Variants in FOSB observed in about 807,000 individuals in gnomAD.
FOSB encodes FosB proto-oncogene, AP-1 transcription factor subunit, also known as protein FosB.
Under a neutral mutation model 31.1 loss-of-function variants are expected in FOSB, and 8 were observed. The observed-to-expected ratio is 0.26, with a 90% CI of 0.15 to 0.46. The LOEUF (loss-of-function observed/expected upper bound fraction) is 0.46, where lower values mean the gene tolerates loss of function less well. Among genes scored for constraint, FOSB ranks in the 20% least tolerant of loss-of-function variants. The pLI is 0.99. For missense variants in FOSB, 376 were observed against 460.6 expected (o/e 0.82, Z 1.68); for synonymous variants, 214 against 206.1 (o/e 1.04, Z -0.33).
intron 3 of FOSB, 84 bp downstream of exon 3, chr19:45,471,385 A>G (rs569194300): frequency 2.0e-6 from 2 of 1,016,374 alleles, no homozygotes; most frequent in South Asian, 2.8e-5. Context: ...CTGTACCCTT[A>G]TCCTGGGTTG....
At chr19:45,469,193 C>T (rs950638221) in intron 1 of FOSB, among the ~76,000 whole-genome samples, 6 of 152,258 alleles carry the variant, frequency 3.9e-5, no homozygotes, top group African/African-American at 1.4e-4. Context: ...CCCTCAGCCG[C>T]GCTGCCTCCG....
rs1396957964 is a variant in FOSB at position 45,473,844 on chromosome 19, G to C, written c.*832G>C. On this transcript the variant is annotated 3_prime_UTR_variant, in exon 4 of 4. Transcript: ENST00000353609. ...CTGGCCTTCCTCGTTGGGCCGCTCT[G>C]ATTTCAGGCAGCAGGGGCTGCTGTG... is the stretch of plus-strand genomic sequence containing the variant. 1 of 152,760 alleles carries C rather than the reference G, an allele frequency of 6.5e-6. No homozygotes were observed. Among genetic ancestry groups the C allele is most frequent in the Non-Finnish European group, 1.5e-5 (1 of 68,220 alleles). The allele number at this position is 152,760 out of a possible 1,614,324, so 9.5% of individuals were successfully genotyped here. A position where few individuals can be genotyped will look rare whatever the true frequency, so the allele number is the denominator to read the frequency against.
chr19:45,471,325 AGAGGGGAT>A (rs777606622), intron 3 of FOSB, 24 bp downstream of exon 3: 1 of 1,507,988 alleles, frequency 6.6e-7, no homozygotes, highest in South Asian at 1.2e-5. Context: ...CTGGGGTGGG[AGAGGGGAT>A]GTTGAGGGGA....
Position 45,474,897 on chromosome 19 carries a change from T to C in FOSB, c.*1885T>C, listed in dbSNP as rs781419199. On this transcript the variant is annotated 3_prime_UTR_variant, in exon 4 of 4. Coordinates refer to ENST00000353609, the MANE Select transcript of FOSB (RefSeq NM_006732.3). ...CAGCTGTCGTCTGACTCTGGGTTCG[T>C]TGGGGACATGAGATTTTATTTTTTG... is the stretch of plus-strand genomic sequence containing the variant. 8.5e-5 allele frequency: 13 copies of C among 152,168 alleles called. No individual in the cohort carries two copies. Among genetic ancestry groups the C allele is most frequent in the African/African-American group, 9.7e-5 (4 of 41,440 alleles). The allele number at this position is 152,168 out of a possible 1,614,324, so 9.4% of individuals were successfully genotyped here. A position where few individuals can be genotyped will look rare whatever the true frequency, so the allele number is the denominator to read the frequency against.
chr19:45,469,213 C>A (rs1174136502), intron 1 of FOSB, among the ~76,000 whole-genome samples: 3 of 152,252 alleles, frequency 2.0e-5, no homozygotes, highest in Non-Finnish European at 4.4e-5. Flanking sequence ...GCCTCCTGCG[C>A]GGAGACGTAA....
At chr19:45,469,120 T>C (rs991279767) in intron 1 of FOSB, among the ~76,000 whole-genome samples, 2 of 152,210 alleles carry the variant, frequency 1.3e-5, no homozygotes, top group African/African-American at 2.4e-5. Flanking sequence ...CCTTTCCTCC[T>C]CCTTCGGAGC....
Position 45,468,818 on chromosome 19 carries a change from A to C in FOSB, c.126+106A>C. On this transcript the variant is annotated intron_variant, in intron 1 of 3. Transcript: ENST00000353609. The surrounding 1 kb of genome is among the most constrained non-coding windows in gnomAD (Gnocchi z 4.8). ...ACAAAAAGGCGCATCAGAACCCTAG[A>C]TCTGAGATGGAAAAGGCTCACAGCG... 4 of 1,215,554 alleles carry C rather than the reference A, an allele frequency of 3.3e-6. No individual in the cohort carries two copies. The South Asian group carries it at 6.5e-5, about 20-fold the overall frequency. The allele number at this position is 1,215,554 out of a possible 1,614,324, so 75.3% of individuals were successfully genotyped here.
chr19:45,469,359 G>A (rs964577825), intron 1 of FOSB, among the ~76,000 whole-genome samples: 1 of 152,192 alleles, frequency 6.6e-6, no homozygotes, highest in Non-Finnish European at 1.5e-5. Context: ...CCGGGGCCAC[G>A]TTGCTAAGGG....
At position 45,470,773 on chromosome 19, in the gene FOSB, C is replaced by A; in HGVS notation, c.271C>A (p.Pro91Thr). ...CCAGGGGCAGCCACTGGCCTCCCAG[C>A]CCCCGGTCGTCGACCCCTACGACAT... The part of the protein sequence containing the change: ...QSQGQPLASQ[P>T]PVVDPYDMPG... The change falls in exon 2 of 4, where the codon CCC becomes ACC. Residue 91 changes from proline (P) to threonine (T), a missense_variant. Pro to Thr is a conservative substitution (Grantham distance 38). Around this residue, in one of 3 missense-constraint regions of FOSB, gnomAD observed 193 missense variants for 207.1 expected, o/e 0.93. Transcript: ENST00000353609. 1 of 1,613,788 alleles carries A rather than the reference C, an allele frequency of 6.2e-7. No individual in the cohort carries two copies. Among genetic ancestry groups the A allele is most frequent in the African/African-American group, 1.3e-5 (1 of 75,026 alleles).
At chr19:45,470,354 G>A (rs532954805) in intron 1 of FOSB, 106 of 465,412 alleles carry the variant, frequency 2.3e-4, no homozygotes, top group African/African-American at 1.9e-3. Flanking sequence ...TCACCAACCC[G>A]GGGTGTGATT....
Position 45,470,872 on chromosome 19 carries a change from T to C in FOSB, c.370T>C (p.Ser124Pro), listed in dbSNP as rs773764980. 1 of 1,613,880 alleles carries C rather than the reference T, an allele frequency of 6.2e-7. No individual in the cohort carries two copies. Among genetic ancestry groups the C allele is most frequent in the Non-Finnish European group, 8.5e-7 (1 of 1,179,998 alleles). ...SGGASGSGGP[S>P]TSGTTSGPGP... ...CGGAGCGAGTGGCAGTGGTGGGCCT[T>C]CCACCAGCGGAACTACCAGTGGGCC... The change falls in exon 2 of 4, where the codon TCC becomes CCC. Residue 124 changes from serine to proline, a missense_variant. Transcript: ENST00000353609.
rs758600513 is a variant in FOSB, at chr19:45,470,634, C to A, written c.132C>A (p.Cys44Ter). The change falls in exon 2 of 4, where the codon TGC becomes TGA. Residue 44 changes from cysteine to a stop codon, truncating the protein, a stop_gained. Coordinates refer to ENST00000353609, the MANE Select transcript of FOSB (RefSeq NM_006732.3). LOFTEE classifies it high-confidence loss of function. ...GTGTATGTGTCACCCCGTAGGAGTG[C>A]GCCGGTCTCGGGGAAATGCCCGGTT... Reference protein sequence around the residue: ...SPPTAAASQECAGLGEMPGSF... With the variant: ...SPPTAAASQE 3.1e-6 allele frequency: 5 copies of A among 1,605,252 alleles called. No homozygotes were observed. The highest frequency in any genetic ancestry group is 3.4e-6 in the Non-Finnish European group (4 of 1,176,024).
rs201050620 is a variant in FOSB at position 45,472,655 on chromosome 19, G to A, written c.660G>A (p.Pro220=). Residue 220 remains proline, a synonymous_variant, in exon 4 of 4, where the codon CCG becomes CCA. Coordinates refer to ENST00000353609, the MANE Select transcript of FOSB (RefSeq NM_006732.3). This position sits in a 1 kb window ranked among gnomAD's most constrained non-coding sequence, Gnocchi z 5.4. ...RLEFVLVAHK[P]GCKIPYEEGP... ...AGTTTGTGCTGGTGGCCCACAAACCGGGCTGCAAGATCCCCTACGAAGAGG... is the reference window on the plus strand; with the variant it reads ...AGTTTGTGCTGGTGGCCCACAAACCAGGCTGCAAGATCCCCTACGAAGAGG... 22 of 1,593,366 alleles carry A rather than the reference G, an allele frequency of 1.4e-5. No homozygotes were observed. The highest frequency in any genetic ancestry group is 1.6e-5 in the Non-Finnish European group (19 of 1,171,612).
At position 45,470,963 on chromosome 19, in the gene FOSB, A is replaced by C. The variant is rs542156920; in HGVS notation, c.447+14A>C. Reference sequence around the variant, plus strand: ...CGAGAGGAGACGGTGAGTAAGGGACATCAGAACTTGGCCTGGGTAGGGGGA... The same window carrying C: ...CGAGAGGAGACGGTGAGTAAGGGACCTCAGAACTTGGCCTGGGTAGGGGGA... On this transcript the variant is annotated intron_variant, in intron 2 of 3. Coordinates refer to ENST00000353609, the MANE Select transcript of FOSB (RefSeq NM_006732.3). 3.1e-6 allele frequency: 5 copies of C among 1,608,980 alleles called. No homozygotes were observed. The African/African-American group carries it at 5.3e-5, about 17-fold the overall frequency.
In FOSB at chr19:45,472,193, A is replaced by G. The variant is rs913659171; in HGVS notation, c.556-358A>G. The G allele has an allele frequency of 2.8e-5, 5 of 177,766 alleles. No individual in the cohort carries two copies. In the Admixed American group the frequency reaches 3.1e-4, roughly 11 times the overall value. 11.0% of individuals were successfully genotyped at this position (177,766 alleles called of 1,614,324 possible). Reference sequence around the variant, plus strand: ...GGCTGCAGTGAGCCATGATTGCACTATTGCACTCCAGCCTGGGGGACAGAG... The same window carrying G: ...GGCTGCAGTGAGCCATGATTGCACTGTTGCACTCCAGCCTGGGGGACAGAG... On this transcript the variant is annotated intron_variant, in intron 3 of 3. Transcript: ENST00000353609. This position sits in a 1 kb window ranked among gnomAD's most constrained non-coding sequence, Gnocchi z 5.4.
Position 45,472,951 on chromosome 19 carries a change from G to T in FOSB, c.956G>T (p.Arg319Leu). The change falls in exon 4 of 4, where the codon CGC becomes CTC. Residue 319 changes from arginine to leucine, a missense_variant. Transcript: ENST00000353609. The surrounding 1 kb of genome is among the most constrained non-coding windows in gnomAD (Gnocchi z 5.4). ...PEVSAFAGAQ[R>L]TSGSDQPSDP... The stretch of plus-strand genomic sequence containing the variant: ...GTCTCCGCGTTCGCCGGCGCCCAAC[G>T]CACCAGCGGCAGTGACCAGCCTTCC... 6.2e-7 allele frequency: 1 copy of T among 1,613,326 alleles called. No homozygotes were observed. Among genetic ancestry groups the T allele is most frequent in the African/African-American group, 1.3e-5 (1 of 75,032 alleles).
chr19:45,471,477 GACTTAAGTCA>G, intron 3 of FOSB, 176 bp downstream of exon 3: 1 of 505,726 alleles, frequency 2.0e-6, no homozygotes, highest in Non-Finnish European at 3.6e-6. Flanking sequence ...GACCCCCATG[GACTTAAGTCA>G]ACTCCTGGTC....
rs1967793481 is a variant in FOSB, at chr19:45,474,698, T to C, written c.*1686T>C. On this transcript the variant is annotated 3_prime_UTR_variant, in exon 4 of 4. Transcript: ENST00000353609. ...TTGGCCCTCAAAGCGAGCCGTTGAA[T>C]TGGAAACTGCTTCTAGAAACTCTGG... 1 of 152,166 alleles carries C rather than the reference T, an allele frequency of 6.6e-6. No homozygotes were observed. The highest frequency in any genetic ancestry group is 6.6e-5 in the Admixed American group (1 of 15,250). The allele number at this position is 152,166 out of a possible 1,614,324, so 9.4% of individuals were successfully genotyped here. A position where few individuals can be genotyped will look rare whatever the true frequency, so the allele number is the denominator to read the frequency against.
rs1173511706 is a variant in FOSB at position 45,474,252 on chromosome 19, G to A, written c.*1240G>A. 1 of 152,198 alleles carries A rather than the reference G, an allele frequency of 6.6e-6. No individual in the cohort carries two copies. Among genetic ancestry groups the A allele is most frequent in the East Asian group, 1.9e-4 (1 of 5,144 alleles). 9.4% of individuals were successfully genotyped at this position (152,198 alleles called of 1,614,324 possible). A position where few individuals can be genotyped will look rare whatever the true frequency, so the allele number is the denominator to read the frequency against. Reference sequence around the variant, plus strand: ...TGACATTTTTCCGGAGAAGATTTCAGAGCTGAGGCTTTGGTACCCCCAAAC... The same window carrying A: ...TGACATTTTTCCGGAGAAGATTTCAAAGCTGAGGCTTTGGTACCCCCAAAC... On this transcript the variant is annotated 3_prime_UTR_variant, in exon 4 of 4. Coordinates refer to ENST00000353609, the MANE Select transcript of FOSB (RefSeq NM_006732.3).
Sources: allele counts gnomAD v4.1 joint callset (sites outside exome capture counted in the v4.1 genomes callset), GRCh38; gene constraint gnomAD v4.1.1; regional missense constraint gnomAD v4.1.1; non-coding constraint Gnocchi (gnomAD v3.1); transcripts MANE v1.5; gene names NCBI Gene and HGNC (gene_info 2026-07-23, HGNC 2026-07-21).